HECW1: variants seen among roughly 807,000 people sequenced by gnomAD.
HECW1 encodes E3 ubiquitin-protein ligase HECW1.
In HECW1, 61 loss-of-function variants were observed where a neutral mutation model predicts 182.3. The ratio of observed to expected loss-of-function variants is 0.33; its 90% CI spans 0.27 to 0.41. The LOEUF is 0.41. Among genes scored for constraint, HECW1 ranks in the 10% least tolerant of loss-of-function variants. The pLI is 1.00. For synonymous variants in HECW1, 859 were observed against 832.6 expected (o/e 1.03, Z -0.55); for missense variants, 1,739 against 2,108.9 (o/e 0.82, Z 3.44).
chr7:43,149,236 A>G (rs567532999), intron 2 of HECW1, among the ~76,000 whole-genome samples: 1 of 152,356 alleles, frequency 6.6e-6, no homozygotes, highest in African/African-American at 2.4e-5. Context: ...AATTATCACC[A>G]GTAATAAAAC....
At chr7:43,149,313 T>C (rs545067739) in intron 2 of HECW1, among the ~76,000 whole-genome samples, 4 of 152,312 alleles carry the variant, frequency 2.6e-5, no homozygotes, top group Admixed American at 2.6e-4. Context: ...GACACATCAC[T>C]TCTGTGTATT....
chr7:43,456,499 G>A, intron 13 of HECW1, 52 bp downstream of exon 13: 1 of 1,554,212 alleles, frequency 6.4e-7, no homozygotes, highest in South Asian at 1.2e-5. Context: ...AAAGGAGAAT[G>A]GCAGCTAGAG....
At chr7:43,199,139 C>T (rs1794808102) in intron 2 of HECW1, among the ~76,000 whole-genome samples, 1 of 152,220 alleles carries the variant, frequency 6.6e-6, no homozygotes, top group African/African-American at 2.4e-5. Context: ...CTGAGAGCTC[C>T]CGCTCAGGGA....
intron 2 of HECW1, among the ~76,000 whole-genome samples, chr7:43,208,342 C>G (rs1441884238): frequency 6.6e-6 from 1 of 152,222 alleles, no homozygotes; most frequent in Non-Finnish European, 1.5e-5. Context: ...CCACAGGGTC[C>G]TGTTACTGTC....
chr7:43,480,772 G>T (rs909713287), intron 17 of HECW1, among the ~76,000 whole-genome samples: 2 of 151,810 alleles, frequency 1.3e-5, no homozygotes, highest in Non-Finnish European at 2.9e-5. Flanking sequence ...AGTCATTCCA[G>T]GGAGAGCCAG....
At chr7:43,198,353 C>T (rs1377471185) in intron 2 of HECW1, among the ~76,000 whole-genome samples, 1 of 150,644 alleles carries the variant, frequency 6.6e-6, no homozygotes, top group African/African-American at 2.4e-5. Context: ...TCATCATAGT[C>T]ACACACCCCA....
intron 2 of HECW1, among the ~76,000 whole-genome samples, chr7:43,218,486 G>C (rs879412520): frequency 2.0e-5 from 3 of 152,202 alleles, no homozygotes; most frequent in Non-Finnish European, 4.4e-5. Flanking sequence ...CATTTTGGTG[G>C]AGAAGGGAAG....
chr7:43,270,587 G>T lies in HECW1; in HGVS notation c.27+26655G>T, dbSNP rs555518175. Reference sequence around the variant, plus strand: ...ACAAGCTCTGGTTCAGTGTGGAAGGGCACTTCATAATGCTGTGAACATCAG... The same window carrying T: ...ACAAGCTCTGGTTCAGTGTGGAAGGTCACTTCATAATGCTGTGAACATCAG... On this transcript the variant is annotated intron_variant, in intron 3 of 29. Transcript: ENST00000395891. 1.4e-4 allele frequency among the ~76,000 whole-genome samples: 21 copies of T among 152,286 alleles called. No homozygotes were observed. In the South Asian group the frequency reaches 3.7e-3, roughly 27 times the overall value.
intron 3 of HECW1, among the ~76,000 whole-genome samples, chr7:43,283,924 G>A (rs940005060): frequency 2.6e-5 from 4 of 152,110 alleles, no homozygotes; most frequent in African/African-American, 7.2e-5. Flanking sequence ...CCCCAGCTGC[G>A]GCTGCCTTGA....
In HECW1 at chr7:43,465,919, G is replaced by GAAAGAAAGAAGAAAGGAAGAAAGGAAGA. The variant is rs1289491564; in HGVS notation, c.2792-518_2792-491dup. ...AAGAAAGACAAAGAGAGAGAGAGAA[G>GAAAGAAAGAAGAAAGGAAGAAAGGAAGA]AAAGAAAGAAGAAAGGAAGAAAGGA... On this transcript the variant is annotated intron_variant, in intron 14 of 29. Coordinates refer to ENST00000395891, the MANE Select transcript of HECW1 (RefSeq NM_015052.5). 7.2e-3 allele frequency among the ~76,000 whole-genome samples: 1,041 copies of GAAAGAAAGAAGAAAGGAAGAAAGGAAGA among 144,378 alleles called. 11 individuals carry two copies. Among genetic ancestry groups the GAAAGAAAGAAGAAAGGAAGAAAGGAAGA allele is most frequent in the African/African-American group, 0.024 (950 of 38,844 alleles). 94.7% of individuals were successfully genotyped at this position (144,378 alleles called of 152,430 possible). A position where few individuals can be genotyped will look rare whatever the true frequency, so the allele number is the denominator to read the frequency against.
Position 43,479,707 on chromosome 7 carries a change from AGCACCTCCAGAG to A in HECW1, c.3200_3211del (p.His1067_Arg1070del). ...CTTCCCAATCATCTAACTCACCGAC[AGCACCTCCAGAG>A]GCTCCGAAGTTACAGCGCTGGAGAG... On this transcript the variant is annotated inframe_deletion, in exon 17 of 30. Coordinates refer to ENST00000395891, the MANE Select transcript of HECW1 (RefSeq NM_015052.5). 6.2e-7 allele frequency: 1 copy of A among 1,614,064 alleles called. No homozygotes were observed. Among genetic ancestry groups the A allele is most frequent in the South Asian group, 1.1e-5 (1 of 91,068 alleles).
chr7:43,126,153 T>A (rs1786224594), intron 2 of HECW1, among the ~76,000 whole-genome samples: 1 of 148,874 alleles, frequency 6.7e-6, no homozygotes. Flanking sequence ...CCTACCAGCT[T>A]GAGTCTCCTT....
Position 43,120,547 on chromosome 7 carries a change from C to T in HECW1, c.-32+6156C>T, listed in dbSNP as rs183768179. 6.8e-4 allele frequency among the ~76,000 whole-genome samples: 104 copies of T among 152,286 alleles called. No individual in the cohort carries two copies. In the East Asian group the frequency reaches 0.017, roughly 25 times the overall value. ...ACCACACTGAATGTTTGCTGACTGA[C>T]CGAATGATGTAACAGGTGCTTTCCT... On this transcript the variant is annotated intron_variant, in intron 2 of 29. Coordinates refer to ENST00000395891, the MANE Select transcript of HECW1 (RefSeq NM_015052.5).
At chr7:43,198,483 ACTCT>A (rs1400501253) in intron 2 of HECW1, among the ~76,000 whole-genome samples, 2 of 149,980 alleles carry the variant, frequency 1.3e-5, no homozygotes, top group Admixed American at 6.7e-5. Context: ...CACACCCCAC[ACTCT>A]CTCCTACACT....
chr7:43,345,799 TACACAC>T (rs58255657), intron 5 of HECW1, among the ~76,000 whole-genome samples: 36,445 of 150,500 alleles, frequency 0.24, 4,595 homozygotes, highest in African/African-American at 0.28. Context: ...ATCATATATA[TACACAC>T]ACACACACAC....
At chr7:43,365,983 A>G (rs1037848633) in intron 6 of HECW1, among the ~76,000 whole-genome samples, 1 of 152,176 alleles carries the variant, frequency 6.6e-6, no homozygotes, top group Non-Finnish European at 1.5e-5. Flanking sequence ...CATGTCTGCA[A>G]TCCTAGCTAC....
intron 3 of HECW1, among the ~76,000 whole-genome samples, chr7:43,283,987 C>G (rs1318539080): frequency 4.6e-5 from 7 of 152,282 alleles, no homozygotes; most frequent in Admixed American, 6.5e-5. Context: ...TGCGTCTGCC[C>G]TTTGATTCAA....
At chr7:43,189,088 T>C (rs1793663481) in intron 2 of HECW1, among the ~76,000 whole-genome samples, 1 of 152,184 alleles carries the variant, frequency 6.6e-6, no homozygotes, top group Non-Finnish European at 1.5e-5. Flanking sequence ...ACAGAGGCAG[T>C]TGTGTGTTTG....
chr7:43,330,111 C>T (rs1422759998), intron 5 of HECW1, among the ~76,000 whole-genome samples: 6 of 152,140 alleles, frequency 3.9e-5, no homozygotes, highest in South Asian at 4.1e-4. Context: ...TATTGAGAGG[C>T]GGGGTCCATG....
Sources: gnomAD v4.1 joint callset for allele counts (sites outside exome capture counted in the v4.1 genomes callset) on GRCh38, gnomAD v4.1.1 for gene constraint, MANE v1.5 for transcripts, NCBI Gene and HGNC (gene_info 2026-07-23, HGNC 2026-07-21) for gene names.